The following CDK14 variants were observed in gnomAD, a reference collection of about 807,000 sequenced individuals.
CDK14 encodes the protein cyclin dependent kinase 14.
In CDK14, 34 loss-of-function variants were observed where a neutral mutation model predicts 60.7. That is an observed-to-expected ratio of 0.56 (90% CI 0.43 to 0.75). The LOEUF (loss-of-function observed/expected upper bound fraction) is 0.75. CDK14 is among the 30% of genes least tolerant of loss of function. The pLI is 0.00. For synonymous variants in CDK14, 197 were observed against 203.7 expected (o/e 0.97, Z 0.28); for missense variants, 482 against 564.1 (o/e 0.85, Z 1.47).
intron 5 of CDK14, among the ~76,000 whole-genome samples, chr7:90,833,008 G>A (rs1789964247): frequency 6.6e-6 from 1 of 152,142 alleles, no homozygotes. Context: ...CACCCATCAT[G>A]TCAGCACTTA....
chr7:90,940,834 G>T (rs140920107), intron 8 of CDK14, among the ~76,000 whole-genome samples: 1 of 151,702 alleles, frequency 6.6e-6, no homozygotes. Context: ...TATCAATATA[G>T]ATATATGTAT....
chr7:90,836,351 A>G (rs966593672), intron 5 of CDK14, among the ~76,000 whole-genome samples: 3 of 152,010 alleles, frequency 2.0e-5, no homozygotes, highest in East Asian at 1.9e-4. Context: ...TAATATTTCA[A>G]TTTTTTTCTT....
chr7:90,953,437 G>A (rs1794319546), intron 8 of CDK14, among the ~76,000 whole-genome samples: 1 of 152,156 alleles, frequency 6.6e-6, no homozygotes, highest in Non-Finnish European at 1.5e-5. Flanking sequence ...AAAAAAGACA[G>A]TAATGTAGAT....
At chr7:90,941,968 C>T (rs1442649321) in intron 8 of CDK14, among the ~76,000 whole-genome samples, 1 of 152,204 alleles carries the variant, frequency 6.6e-6, no homozygotes, top group Non-Finnish European at 1.5e-5. Flanking sequence ...AAAGCTGACC[C>T]TTTTCTTAGT....
chr7:91,191,404 A>C (rs975775182), intron 14 of CDK14, among the ~76,000 whole-genome samples: 2 of 152,104 alleles, frequency 1.3e-5, no homozygotes, highest in African/African-American at 4.8e-5. Context: ...AAAAAGTTTA[A>C]ATTTCATTAT....
At chr7:90,761,481 C>T (rs1804309168) in intron 4 of CDK14, among the ~76,000 whole-genome samples, 1 of 152,028 alleles carries the variant, frequency 6.6e-6, no homozygotes, top group African/African-American at 2.4e-5. Context: ...TAAAGCATAC[C>T]CATGTTCCTG....
At chr7:91,187,308 G>C (rs1236731407) in intron 14 of CDK14, among the ~76,000 whole-genome samples, 1 of 152,158 alleles carries the variant, frequency 6.6e-6, no homozygotes, top group Non-Finnish European at 1.5e-5. Context: ...ATTTTAGTGA[G>C]GGCATATATC....
intron 6 of CDK14, among the ~76,000 whole-genome samples, chr7:90,865,612 G>A (rs533621713): frequency 9.9e-5 from 15 of 152,260 alleles, no homozygotes; most frequent in Non-Finnish European, 1.2e-4. Context: ...AGCGGCATAA[G>A]GTAGGAAACA....
chr7:90,689,696 T>C (rs1313082573), intron 2 of CDK14, among the ~76,000 whole-genome samples: 1 of 152,204 alleles, frequency 6.6e-6, no homozygotes, highest in Non-Finnish European at 1.5e-5. Flanking sequence ...ACTGCTTTTA[T>C]ATTTAATGTT....
In CDK14 at chr7:90,816,852, G is replaced by A. The variant is rs571494231; in HGVS notation, c.544+26200G>A. On this transcript the variant is annotated intron_variant, in intron 5 of 14. Coordinates refer to ENST00000380050, the MANE Select transcript of CDK14 (RefSeq NM_001287135.2). ...GATATAAAAGCTGAAAAGAGCATTA[G>A]TGGTGATGTAATCTGTTCCCACCAT... Among the ~76,000 whole-genome samples, 4 of 152,296 alleles carry A rather than the reference G, an allele frequency of 2.6e-5. No individual in the cohort carries two copies. The East Asian group carries it at 5.8e-4, about 22-fold the overall frequency.
At chr7:90,982,790 G>A (rs1481809923) in intron 9 of CDK14, among the ~76,000 whole-genome samples, 1 of 152,048 alleles carries the variant, frequency 6.6e-6, no homozygotes, top group African/African-American at 2.4e-5. Context: ...GGCAGGGGGA[G>A]TGGGTAGGTT....
intron 2 of CDK14, among the ~76,000 whole-genome samples, chr7:90,664,324 C>T (rs1563036001): frequency 6.6e-6 from 1 of 152,110 alleles, no homozygotes; most frequent in Non-Finnish European, 1.5e-5. Context: ...AATAGGAACA[C>T]TTTTACACTG....
At chr7:90,619,694 T>G (rs1799728303) in intron 2 of CDK14, among the ~76,000 whole-genome samples, 1 of 152,118 alleles carries the variant, frequency 6.6e-6, no homozygotes, top group Non-Finnish European at 1.5e-5. Context: ...ATGTAAAAAT[T>G]GATACTGAAG....
At chr7:90,876,651 C>G (rs1791572376) in intron 6 of CDK14, among the ~76,000 whole-genome samples, 2 of 152,148 alleles carry the variant, frequency 1.3e-5, no homozygotes, top group Non-Finnish European at 2.9e-5. Flanking sequence ...TTGCTACCAT[C>G]TGTTTTGGAG....
intron 10 of CDK14, among the ~76,000 whole-genome samples, chr7:91,001,414 A>G (rs1004669657): frequency 3.3e-5 from 5 of 152,206 alleles, no homozygotes; most frequent in African/African-American, 1.2e-4. Context: ...GGTAAGATAA[A>G]AAAATCACTC....
At chr7:90,901,476 C>A (rs997128923) in intron 7 of CDK14, among the ~76,000 whole-genome samples, 1 of 151,950 alleles carries the variant, frequency 6.6e-6, no homozygotes, top group African/African-American at 2.4e-5. Flanking sequence ...TTTTAAAATA[C>A]CTTAAAAGCA....
chr7:90,991,789 T>C (rs891936421), intron 10 of CDK14, among the ~76,000 whole-genome samples: 2 of 152,202 alleles, frequency 1.3e-5, no homozygotes, highest in African/African-American at 4.8e-5. Flanking sequence ...CCTGTGATTC[T>C]CCTTGATGTT....
chr7:90,963,706 CTTTTCTTTTTTTTTTTTTT>C lies in CDK14; in HGVS notation c.947+7894_947+7912del, dbSNP rs1348935221. On this transcript the variant is annotated intron_variant, in intron 9 of 14. Transcript: ENST00000380050. The stretch of plus-strand genomic sequence containing the variant: ...TTTTTTTTTTTTCTTTTTTCTTTTT[CTTTTCTTTTTTTTTTTTTT>C]TTTTTTTTGAGACGGAGTCTTACTC... Among the ~76,000 whole-genome samples, 15 of 101,534 alleles carry C rather than the reference CTTTTCTTTTTTTTTTTTTT, an allele frequency of 1.5e-4. 1 individual carries two copies. In the East Asian group the frequency reaches 2.2e-3, roughly 15 times the overall value. 66.6% of individuals were successfully genotyped at this position (101,534 alleles called of 152,430 possible). A position where few individuals can be genotyped will look rare whatever the true frequency, so the allele number is the denominator to read the frequency against.
chr7:90,685,012 A>T (rs1801403466), intron 2 of CDK14, among the ~76,000 whole-genome samples: 1 of 150,520 alleles, frequency 6.6e-6, no homozygotes, highest in African/African-American at 2.4e-5. Context: ...ATTTTTAGGG[A>T]ATCATCCTAT....
Sources: allele counts gnomAD v4.1 joint callset (sites outside exome capture counted in the v4.1 genomes callset), GRCh38; gene constraint gnomAD v4.1.1; transcripts MANE v1.5; gene names NCBI Gene and HGNC (gene_info 2026-07-23, HGNC 2026-07-21).